The following KCNT2 variants were observed in gnomAD, a reference collection of about 807,000 sequenced individuals.
The protein encoded by KCNT2 is potassium channel subfamily T member 2.
KCNT2 carries 67 observed loss-of-function variants against 153.8 expected under a neutral mutation model. The ratio of observed to expected loss-of-function variants is 0.44; its 90% CI spans 0.36 to 0.53. The LOEUF is 0.53. KCNT2 is among the 20% of genes least tolerant of loss of function. The probability of loss-of-function intolerance (pLI) is 0.00; values close to 1 mark genes in which losing one functional copy is unlikely to be tolerated. For missense variants in KCNT2, 975 were observed against 1,354.8 expected (o/e 0.72, Z 4.40); for synonymous variants, 500 against 458.8 (o/e 1.09, Z -1.15).
At chr1:196,282,100 A>T (rs1434733941) in intron 24 of KCNT2, among the ~76,000 whole-genome samples, 173 bp downstream of exon 24, 2 of 152,186 alleles carry the variant, frequency 1.3e-5, no homozygotes, top group East Asian at 3.9e-4. Context: ...ATTATTAAGT[A>T]AAAATAATAT....
At chr1:196,283,013 T>C (rs1659263814) in intron 23 of KCNT2, among the ~76,000 whole-genome samples, 1 of 152,286 alleles carries the variant, frequency 6.6e-6, no homozygotes, top group Non-Finnish European at 1.5e-5. Flanking sequence ...CCTGGCTAAT[T>C]TTTGTATTTT....
At chr1:196,358,248 A>G (rs541731150) in intron 14 of KCNT2, among the ~76,000 whole-genome samples, 1 of 150,958 alleles carries the variant, frequency 6.6e-6, no homozygotes, top group South Asian at 2.1e-4. Context: ...TTTTTTTTTT[A>G]AATTTCAGCA....
chr1:196,510,478 T>C (rs886141164), intron 1 of KCNT2, among the ~76,000 whole-genome samples: 1 of 152,158 alleles, frequency 6.6e-6, no homozygotes, highest in African/African-American at 2.4e-5. Flanking sequence ...TATTACATAT[T>C]TTTTCTGATT....
intron 8 of KCNT2, among the ~76,000 whole-genome samples, chr1:196,456,921 A>T (rs1676721238): frequency 6.6e-6 from 1 of 151,988 alleles, no homozygotes; most frequent in Non-Finnish European, 1.5e-5. Flanking sequence ...ATGAATGTGG[A>T]TGTTAATGCA....
At chr1:196,539,044 G>A (rs986216808) in intron 1 of KCNT2, among the ~76,000 whole-genome samples, 2 of 152,016 alleles carry the variant, frequency 1.3e-5, no homozygotes. Context: ...GGCATTTCAT[G>A]CAGTTTAATC....
chr1:196,238,296 C>T (rs144046087), intron 26 of KCNT2, among the ~76,000 whole-genome samples: 40 of 151,750 alleles, frequency 2.6e-4, no homozygotes, highest in Middle Eastern at 3.4e-3. Flanking sequence ...GAGAAATTTC[C>T]GGTGGGAGAT....
chr1:196,479,890 A>C (rs1425444976), intron 4 of KCNT2, among the ~76,000 whole-genome samples: 1 of 152,246 alleles, frequency 6.6e-6, no homozygotes, highest in Non-Finnish European at 1.5e-5. Flanking sequence ...CATGTGAAAC[A>C]AAATAAAAAG....
At chr1:196,552,325 A>G (rs1394825577) in intron 1 of KCNT2, among the ~76,000 whole-genome samples, 3 of 151,456 alleles carry the variant, frequency 2.0e-5, no homozygotes, top group East Asian at 1.9e-4. Flanking sequence ...TATTTGTGAA[A>G]TCATGAGTTT....
At chr1:196,507,019 C>CA (rs1681199600) in intron 1 of KCNT2, among the ~76,000 whole-genome samples, 1 of 151,438 alleles carries the variant, frequency 6.6e-6, no homozygotes, top group Non-Finnish European at 1.5e-5. Flanking sequence ...CTATATTTTA[C>CA]AAAAAAGAGA....
rs960502290 is a variant in KCNT2, at chr1:196,341,491, C to T, written c.1553+588G>A. On this transcript the variant is annotated intron_variant, in intron 15 of 27. Transcript: ENST00000294725. The stretch of plus-strand genomic sequence containing the variant: ...AATAGATTAGTTAGTAGACTATATA[C>T]GTATATTGTAAATCCTCCAAAATGT... Among the ~76,000 whole-genome samples the T allele has an allele frequency of 6.6e-5, 10 of 151,676 alleles. No homozygotes were observed. In the East Asian group the frequency reaches 1.4e-3, roughly 21 times the overall value.
At chr1:196,257,334 C>T (rs1244638839) in intron 26 of KCNT2, 2 of 981,412 alleles carry the variant, frequency 2.0e-6, no homozygotes, top group Admixed American at 1.2e-4. Flanking sequence ...AAAATTTCTT[C>T]CTAAGAACAT....
At chr1:196,592,371 T>A (rs1326395854) in intron 1 of KCNT2, among the ~76,000 whole-genome samples, 1 of 150,740 alleles carries the variant, frequency 6.6e-6, no homozygotes, top group Admixed American at 6.6e-5. Context: ...TGTGGGGGTG[T>A]TGGGAGAGGA....
intron 1 of KCNT2, among the ~76,000 whole-genome samples, chr1:196,528,886 T>C (rs1316837601): frequency 6.6e-6 from 1 of 152,128 alleles, no homozygotes; most frequent in African/African-American, 2.4e-5. Context: ...AAGTCAGACA[T>C]GATACGATTG....
chr1:196,249,714 G>T (rs1022633666), intron 26 of KCNT2, among the ~76,000 whole-genome samples: 2 of 151,744 alleles, frequency 1.3e-5, no homozygotes, highest in African/African-American at 2.4e-5. Flanking sequence ...CGAAGGTTAC[G>T]TAGTGAGCTG....
intron 26 of KCNT2, among the ~76,000 whole-genome samples, chr1:196,251,866 C>T (rs761537655): frequency 2.4e-4 from 36 of 151,580 alleles, no homozygotes; most frequent in African/African-American, 7.0e-4. Context: ...TCATGTACCA[C>T]GTAAATATAT....
chr1:196,369,546 A>G (rs899757772), intron 14 of KCNT2, among the ~76,000 whole-genome samples: 3 of 151,276 alleles, frequency 2.0e-5, no homozygotes, highest in Non-Finnish European at 4.4e-5. Context: ...TCATTGTTCA[A>G]TTCCCACCTA....
In KCNT2 at chr1:196,264,873, C is replaced by T. The variant is rs147983502; in HGVS notation, c.2911-6379G>A. Among the ~76,000 whole-genome samples the T allele has an allele frequency of 8.1e-3, 1,230 of 152,252 alleles. 10 individuals are homozygous for T. The highest frequency in any genetic ancestry group is 0.014 in the Non-Finnish European group (930 of 68,018). The stretch of plus-strand genomic sequence containing the variant: ...CTAGAACTCCTGAGCTCAAGCTATC[C>T]TCCCATGTCAACCTCTCAAAGTGCT... On this transcript the variant is annotated intron_variant, in intron 25 of 27. Transcript: ENST00000294725.
At chr1:196,495,134 A>T (rs1170435648) in intron 1 of KCNT2, among the ~76,000 whole-genome samples, 1 of 152,240 alleles carries the variant, frequency 6.6e-6, no homozygotes, top group Non-Finnish European at 1.5e-5. Flanking sequence ...AACATGGATT[A>T]TATTAAAACA....
rs116660900 is a variant in KCNT2 at position 196,464,992 on chromosome 1, A to G, written c.638+301T>C. Among the ~76,000 whole-genome samples, 463 of 152,060 alleles carry G rather than the reference A, an allele frequency of 3.0e-3. 1 individual carries two copies. The highest frequency in any genetic ancestry group is 0.01 in the African/African-American group (422 of 41,524). ...TCTGTAACAGTAGTTTGAAGGAAAA[A>G]TTCTTGTTTGACAACTATGGGATGC... On this transcript the variant is annotated intron_variant, in intron 8 of 27. Transcript: ENST00000294725.
Sources: allele counts gnomAD v4.1 joint callset (sites outside exome capture counted in the v4.1 genomes callset), GRCh38; gene constraint gnomAD v4.1.1; transcripts MANE v1.5; gene names NCBI Gene and HGNC (gene_info 2026-07-23, HGNC 2026-07-21).